The following ADAM19 variants were observed in gnomAD, a reference collection of about 807,000 sequenced individuals.
The protein encoded by ADAM19 is ADAM metallopeptidase domain 19, also known as disintegrin and metalloproteinase domain-containing protein 19.
A neutral mutation model predicts 114.7 loss-of-function variants in ADAM19; 65 were observed. The ratio of observed to expected loss-of-function variants is 0.57; its 90% CI spans 0.46 to 0.70. ADAM19 has a LOEUF of 0.70. Among genes scored for constraint, ADAM19 ranks in the 30% least tolerant of loss-of-function variants. ADAM19 has a pLI of 0.00. For synonymous variants in ADAM19, 466 were observed against 460.5 expected, an observed-to-expected ratio of 1.01 and a Z score of -0.15; for missense variants, 1,063 against 1,204.7, an observed-to-expected ratio of 0.88 and a Z score of 1.74.
intron 3 of ADAM19, among the ~76,000 whole-genome samples, chr5:157,555,293 G>A (rs992603907): frequency 2.6e-5 from 4 of 152,108 alleles, no homozygotes; most frequent in Admixed American, 6.6e-5. Context: ...ACCACAGTAC[G>A]ATGCCTGTTA....
At chr5:157,556,823 T>C (rs1318437210) in intron 3 of ADAM19, among the ~76,000 whole-genome samples, 2 of 152,198 alleles carry the variant, frequency 1.3e-5, no homozygotes, top group Non-Finnish European at 2.9e-5. Flanking sequence ...CAATAAGACA[T>C]TGTGTGAAGT....
Position 157,492,979 on chromosome 5 carries a change from G to A in ADAM19, c.1902C>T (p.Tyr634=), listed in dbSNP as rs373319182. 3.1e-6 allele frequency: 5 copies of A among 1,614,214 alleles called. No individual in the cohort carries two copies. The highest frequency in any genetic ancestry group is 3.3e-4 in the Middle Eastern group (2 of 6,062). ...AGCAGGGGAGGGGACTCACATGGTT[G>A]TAGCCACACTTGGTTCCAGTCATCA... ...GLVMTGTKCG[Y]NHICFEGQCR... The change falls in exon 16 of 23, where the codon TAC becomes TAT. Residue 634 remains tyrosine, a synonymous_variant. Coordinates refer to ENST00000257527, the MANE Select transcript of ADAM19 (RefSeq NM_033274.5).
intron 4 of ADAM19, among the ~76,000 whole-genome samples, chr5:157,535,040 T>TGAAAAA (rs1554082175): frequency 2.6e-5 from 3 of 115,312 alleles, no homozygotes; most frequent in South Asian, 3.2e-4. Flanking sequence ...TCCTCATCTG[T>TGAAAAA]AAAATGTGGG....
chr5:157,564,990 C>A (rs1385077059), intron 2 of ADAM19, among the ~76,000 whole-genome samples: 1 of 152,182 alleles, frequency 6.6e-6, no homozygotes, highest in East Asian at 1.9e-4. Context: ...CTAGGGGATC[C>A]TCTTCGTAGT....
At chr5:157,501,947 C>T (rs1229560765) in intron 12 of ADAM19, among the ~76,000 whole-genome samples, 2 of 152,092 alleles carry the variant, frequency 1.3e-5, no homozygotes, top group East Asian at 3.9e-4. Flanking sequence ...TTCCCAGCTA[C>T]TCAGGAGGCT....
At chr5:157,546,386 C>T (rs1269982131) in intron 3 of ADAM19, among the ~76,000 whole-genome samples, 1 of 152,194 alleles carries the variant, frequency 6.6e-6, no homozygotes, top group Non-Finnish European at 1.5e-5. Context: ...ATTAAGGATA[C>T]TCACTCAACA....
chr5:157,492,890 C>A, intron 16 of ADAM19, 83 bp downstream of exon 16: 2 of 1,484,886 alleles, frequency 1.3e-6, no homozygotes, highest in Non-Finnish European at 1.9e-6. Context: ...GGCATCTGAG[C>A]CCAGGCATCC....
intron 3 of ADAM19, among the ~76,000 whole-genome samples, chr5:157,553,571 A>G (rs1757263455): frequency 6.6e-6 from 1 of 152,214 alleles, no homozygotes; most frequent in Admixed American, 6.5e-5. Flanking sequence ...GAGAGGTACA[A>G]CTTGTCAAAA....
At chr5:157,568,258 G>A (rs986114152) in intron 2 of ADAM19, 1 of 152,226 alleles carries the variant, frequency 6.6e-6, no homozygotes, top group Non-Finnish European at 1.5e-5. Context: ...CAGGGCGTGA[G>A]CCACCATGCC....
intron 2 of ADAM19, among the ~76,000 whole-genome samples, chr5:157,570,154 G>A (rs566417724): frequency 5.3e-5 from 8 of 152,228 alleles, no homozygotes; most frequent in South Asian, 2.1e-4. Flanking sequence ...CAGCTACTCC[G>A]GAAGCTAAGG....
chr5:157,480,746 C>T lies in ADAM19; in HGVS notation c.*203G>A. The T allele has an allele frequency of 7.0e-7, 1 of 1,424,828 alleles. No individual in the cohort carries two copies. Among genetic ancestry groups the T allele is most frequent in the Non-Finnish European group, 9.1e-7 (1 of 1,094,024 alleles). 88.3% of individuals were successfully genotyped at this position (1,424,828 alleles called of 1,614,324 possible). On this transcript the variant is annotated 3_prime_UTR_variant, in exon 23 of 23. Transcript: ENST00000257527. Reference sequence around the variant, plus strand: ...ATTGCACAAAACAACACCTAGAGGCCATCAGATCATAGTCCCTCTGGGCTT... The same window carrying T: ...ATTGCACAAAACAACACCTAGAGGCTATCAGATCATAGTCCCTCTGGGCTT...
At position 157,494,758 on chromosome 5, in the gene ADAM19, C is replaced by T; in HGVS notation, c.1632G>A (p.Val544=). 3 of 1,613,982 alleles carry T rather than the reference C, an allele frequency of 1.9e-6. No homozygotes were observed. Among genetic ancestry groups the T allele is most frequent in the Non-Finnish European group, 2.5e-6 (3 of 1,179,864 alleles). Residue 544 remains valine (V), a synonymous_variant, in exon 15 of 23, where the codon GTG becomes GTA. Coordinates refer to ENST00000257527, the MANE Select transcript of ADAM19 (RefSeq NM_033274.5). ...RPAPDLCFEK[V]NVAGDTFGNC... Reference sequence around the variant, plus strand: ...TTCCAAAGGTGTCTCCTGCCACATTCACCTTCTCGAAGCAGAGGTCAGGGG... The same window carrying T: ...TTCCAAAGGTGTCTCCTGCCACATTTACCTTCTCGAAGCAGAGGTCAGGGG...
At chr5:157,528,898 G>C (rs755009216) in intron 5 of ADAM19, among the ~76,000 whole-genome samples, 57 of 152,158 alleles carry the variant, frequency 3.7e-4, no homozygotes, top group Non-Finnish European at 6.6e-4. Flanking sequence ...TAGGGTATGG[G>C]CATTAGGAAG....
At chr5:157,510,652 G>T (rs886200394) in intron 8 of ADAM19, among the ~76,000 whole-genome samples, 5 of 152,138 alleles carry the variant, frequency 3.3e-5, no homozygotes, top group Non-Finnish European at 5.9e-5. Flanking sequence ...TTTACAATAT[G>T]TGGTTTTGTG....
At chr5:157,516,496 C>T (rs555097236) in intron 7 of ADAM19, among the ~76,000 whole-genome samples, 24 of 152,324 alleles carry the variant, frequency 1.6e-4, no homozygotes, top group Admixed American at 1.0e-3. Flanking sequence ...TCCCACTTCT[C>T]CAGCTGCTGG....
At chr5:157,560,291 AAG>A (rs1196212668) in intron 3 of ADAM19, among the ~76,000 whole-genome samples, 1 of 146,110 alleles carries the variant, frequency 6.8e-6, no homozygotes, top group East Asian at 1.9e-4. Flanking sequence ...AAAAAAAAAA[AAG>A]AGGTAGTGCA....
chr5:157,531,893 T>C (rs1418698723), intron 4 of ADAM19, among the ~76,000 whole-genome samples: 1 of 152,146 alleles, frequency 6.6e-6, no homozygotes, highest in African/African-American at 2.4e-5. Flanking sequence ...CCTGGAAGGA[T>C]TCTCTCCAGA....
intron 7 of ADAM19, among the ~76,000 whole-genome samples, chr5:157,515,751 C>G (rs1196981613): frequency 6.6e-6 from 1 of 152,226 alleles, no homozygotes; most frequent in Non-Finnish European, 1.5e-5. Flanking sequence ...CCACTCTGCA[C>G]TGTGCCAGCA....
At chr5:157,550,142 G>A (rs1296635336) in intron 3 of ADAM19, among the ~76,000 whole-genome samples, 2 of 152,178 alleles carry the variant, frequency 1.3e-5, no homozygotes. Flanking sequence ...CCGTAACAAA[G>A]TATCACAAAC....
Sources: gnomAD v4.1 joint callset for allele counts (sites outside exome capture counted in the v4.1 genomes callset) on GRCh38, gnomAD v4.1.1 for gene constraint, MANE v1.5 for transcripts, NCBI Gene and HGNC (gene_info 2026-07-23, HGNC 2026-07-21) for gene names.